SLC16A1: variants seen among roughly 807,000 people sequenced by gnomAD.
The protein encoded by SLC16A1 is monocarboxylate transporter 1.
A neutral mutation model predicts 32.2 loss-of-function variants in SLC16A1; 11 were observed. The observed-to-expected ratio is 0.34, with a 90% CI of 0.21 to 0.56. The LOEUF (loss-of-function observed/expected upper bound fraction) is 0.56. SLC16A1 is among the 20% of genes least tolerant of loss of function. The pLI is 0.87. For missense variants in SLC16A1, 435 were observed against 615.0 expected (o/e 0.71, Z 3.10); for synonymous variants, 231 against 226.8 (o/e 1.02, Z -0.17).
At chr1:112,929,474 G>A (rs1649051544) in intron 1 of SLC16A1, 122 bp from the exon 2 acceptor site, 1 of 663,946 alleles carries the variant, frequency 1.5e-6, no homozygotes, top group East Asian at 2.7e-5. Flanking sequence ...AGCTACTTGG[G>A]AGGTTGAGGC....
chr1:112,919,114 T>A (rs929495497), intron 3 of SLC16A1, among the ~76,000 whole-genome samples: 6 of 152,062 alleles, frequency 3.9e-5, no homozygotes, highest in Admixed American at 2.6e-4. Context: ...CACTGCAACC[T>A]CCACCTCCCG....
chr1:112,916,843 C>T (rs1487835803), intron 4 of SLC16A1, among the ~76,000 whole-genome samples: 1 of 151,826 alleles, frequency 6.6e-6, no homozygotes, highest in African/African-American at 2.4e-5. Context: ...GCAGGGGAAT[C>T]GCTTGAACCT....
chr1:112,919,091 C>G (rs933387900), intron 3 of SLC16A1, among the ~76,000 whole-genome samples: 1 of 151,556 alleles, frequency 6.6e-6, no homozygotes, highest in Admixed American at 6.6e-5. Context: ...AGTGCAGTGG[C>G]GCGATCTCGG....
chr1:112,921,912 A>T, intron 3 of SLC16A1, 78 bp downstream of exon 3: 1 of 1,496,248 alleles, frequency 6.7e-7, no homozygotes, highest in Non-Finnish European at 9.3e-7. Flanking sequence ...CACTCCAGAG[A>T]TCTGAAAGAT....
Position 112,913,919 on chromosome 1 carries a change from C to T in SLC16A1, c.1475G>A (p.Gly492Glu), listed in dbSNP as rs528796525. ...ESPDQKDTDG[G>E]PKEEESPV Reference sequence around the variant, plus strand: ...GACTGGACTTTCCTCCTCCTTGGGCCCTCCATCTGTGTCTTTCTGGTCCGG... The same window carrying T: ...GACTGGACTTTCCTCCTCCTTGGGCTCTCCATCTGTGTCTTTCTGGTCCGG... Residue 492 changes from glycine to glutamate, a missense_variant, in exon 5 of 5, where the codon GGG becomes GAG. Gly to Glu is a moderately conservative substitution (Grantham distance 98). This residue lies in a region of SLC16A1 where 111 missense variants were observed against 114.7 expected (regional missense o/e 0.97). Transcript: ENST00000369626. The T allele has an allele frequency of 1.9e-6, 3 of 1,614,130 alleles. No individual in the cohort carries two copies. The South Asian group carries it at 3.3e-5, about 18-fold the overall frequency.
chr1:112,917,965 G>T lies in SLC16A1; in HGVS notation c.441C>A (p.Asn147Lys). Residue 147 changes from asparagine to lysine, a missense_variant, in exon 4 of 5, where the codon AAC becomes AAA. Physicochemically the swap from Asn to Lys is moderately conservative, Grantham distance 94. Transcript: ENST00000369626. This position sits in a 1 kb window ranked among gnomAD's most constrained non-coding sequence, Gnocchi z 4.1. Reference sequence around the variant, plus strand: ...CAGGGCTGCCTGCCATGGCCAGTCCGTTGGCCAATGGTCGCCTCTTGTAGA... The same window carrying T: ...CAGGGCTGCCTGCCATGGCCAGTCCTTTGGCCAATGGTCGCCTCTTGTAGA... ...KYFYKRRPLA[N>K]GLAMAGSPVF... 6.3e-7 allele frequency: 1 copy of T among 1,586,906 alleles called. No homozygotes were observed. Among genetic ancestry groups the T allele is most frequent in the Non-Finnish European group, 8.5e-7 (1 of 1,173,064 alleles).
At chr1:112,926,908 T>TA (rs1170572493) in intron 2 of SLC16A1, among the ~76,000 whole-genome samples, 4 of 119,132 alleles carry the variant, frequency 3.4e-5, no homozygotes, top group African/African-American at 8.6e-5. Flanking sequence ...AAATAAATAA[T>TA]AAAAAAACTT....
intron 1 of SLC16A1, among the ~76,000 whole-genome samples, chr1:112,940,635 T>C (rs147898587): frequency 6.6e-6 from 1 of 152,162 alleles, no homozygotes; most frequent in Non-Finnish European, 1.5e-5. Context: ...AGCTGATATA[T>C]ATGTATACTG....
chr1:112,922,400 T>A (rs1186526836), intron 2 of SLC16A1: 3 of 467,774 alleles, frequency 6.4e-6, no homozygotes, highest in African/African-American at 5.9e-5. Context: ...ATCTTTCTCT[T>A]TTATGGCAGG....
intron 1 of SLC16A1, among the ~76,000 whole-genome samples, chr1:112,944,013 G>A (rs555973559): frequency 6.6e-6 from 1 of 152,066 alleles, no homozygotes; most frequent in South Asian, 2.1e-4. Flanking sequence ...AAAGTAAATA[G>A]GTAAACAAAT....
intron 1 of SLC16A1, among the ~76,000 whole-genome samples, chr1:112,953,510 A>G (rs1369097717): frequency 6.6e-6 from 1 of 151,782 alleles, no homozygotes; most frequent in Non-Finnish European, 1.5e-5. Flanking sequence ...GCTCCTTTAA[A>G]ATTTTTTTAC....
chr1:112,917,881 T>C lies in SLC16A1; in HGVS notation c.525A>G (p.Arg175=). ...AGCCCCCAAGAATTAGAAAGCTTCC[T>C]CTCCATCCAAAGATACCGAAGAAAA... The part of the protein sequence containing the change: ...NQVFFGIFGW[R]GSFLILGGLL... The change falls in exon 4 of 5, where the codon AGA becomes AGG. Residue 175 remains arginine (R), a synonymous_variant. Transcript: ENST00000369626. This position sits in a 1 kb window ranked among gnomAD's most constrained non-coding sequence, Gnocchi z 4.1. The C allele has an allele frequency of 1.2e-6, 2 of 1,611,052 alleles. No homozygotes were observed. Among genetic ancestry groups the C allele is most frequent in the Non-Finnish European group, 1.7e-6 (2 of 1,178,650 alleles).
rs1648340013 is a variant in SLC16A1, at chr1:112,912,064, C to T, written c.*1827G>A. ...CCTCTAACACTCTTCCTCTATCTGCCATGATGCCCAGGCATACAAAGGGAG... is the reference window on the plus strand; with the variant it reads ...CCTCTAACACTCTTCCTCTATCTGCTATGATGCCCAGGCATACAAAGGGAG... On this transcript the variant is annotated 3_prime_UTR_variant, in exon 5 of 5. Transcript: ENST00000369626. 1 of 152,242 alleles carries T rather than the reference C, an allele frequency of 6.6e-6. No homozygotes were observed. Among genetic ancestry groups the T allele is most frequent in the South Asian group, 2.1e-4 (1 of 4,836 alleles). 9.4% of individuals were successfully genotyped at this position (152,242 alleles called of 1,614,324 possible).
rs554138665 is a variant in SLC16A1, at chr1:112,914,027, T to A, written c.1367A>T (p.Glu456Val). 563 of 1,614,076 alleles carry A rather than the reference T, an allele frequency of 3.5e-4. No individual in the cohort carries two copies. Among genetic ancestry groups the A allele is most frequent in the Non-Finnish European group, 4.6e-4 (542 of 1,180,038 alleles). Residue 456 changes from glutamate (E) to valine (V), a missense_variant, in exon 5 of 5, where the codon GAG (glutamate) becomes GTG (valine). Coordinates refer to ENST00000369626, the MANE Select transcript of SLC16A1 (RefSeq NM_003051.4). ...TTCCTCTTTACTTTCCTTTTTCTGC[T>A]CGTTTGCTTTCTGTTCTTTTGCCAA... ...RLLAKEQKAN[E>V]QKKESKEEET... is the part of the protein sequence containing the mutation.
At chr1:112,923,468 C>T (rs911131870) in intron 2 of SLC16A1, 33 of 761,734 alleles carry the variant, frequency 4.3e-5, no homozygotes, top group Non-Finnish European at 6.1e-5. Context: ...GATGGGGCGC[C>T]GTAGTCACCC....
At chr1:112,946,540 G>C (rs1649710121) in intron 1 of SLC16A1, among the ~76,000 whole-genome samples, 1 of 152,070 alleles carries the variant, frequency 6.6e-6, no homozygotes, top group Non-Finnish European at 1.5e-5. Flanking sequence ...AAAAGTTTTT[G>C]TTTTGTTCTG....
At chr1:112,924,004 C>T in intron 2 of SLC16A1, 1 of 1,392,596 alleles carries the variant, frequency 7.2e-7, no homozygotes, top group Admixed American at 1.7e-5. Context: ...AGGAAACAGC[C>T]CATGGGCCGC....
chr1:112,929,495 T>C (rs753154762), intron 1 of SLC16A1, 143 bp from the exon 2 acceptor site: 1 of 634,226 alleles, frequency 1.6e-6, no homozygotes, highest in Non-Finnish European at 2.8e-6. Flanking sequence ...AGGAGGATCA[T>C]TTGAGGCCAG....
intron 2 of SLC16A1, among the ~76,000 whole-genome samples, chr1:112,928,676 G>C (rs1422405041): frequency 6.6e-6 from 1 of 152,148 alleles, no homozygotes. Context: ...TTTTACCTGA[G>C]AATCTGAACC....
Sources: allele counts gnomAD v4.1 joint callset (sites outside exome capture counted in the v4.1 genomes callset), GRCh38; gene constraint gnomAD v4.1.1; regional missense constraint gnomAD v4.1.1; non-coding constraint Gnocchi (gnomAD v3.1); transcripts MANE v1.5; gene names NCBI Gene and HGNC (gene_info 2026-07-23, HGNC 2026-07-21).